AKAP12: variants seen among roughly 807,000 people sequenced by gnomAD.
AKAP12 encodes A-kinase anchoring protein 12.
A neutral mutation model predicts 79.9 loss-of-function variants in AKAP12; 32 were observed. The ratio of observed to expected loss-of-function variants is 0.40; its 90% CI spans 0.30 to 0.54. AKAP12 has a LOEUF of 0.54. Among genes scored for constraint, AKAP12 ranks in the 20% least tolerant of loss-of-function variants. AKAP12 has a pLI of 0.48. For synonymous variants in AKAP12, 808 were observed against 857.0 expected, an observed-to-expected ratio of 0.94 and a Z score of 1.00; for missense variants, 2,074 against 2,177.0, an observed-to-expected ratio of 0.95 and a Z score of 0.94.
In AKAP12 at chr6:151,240,527, C is replaced by A. The variant is rs1796950133; in HGVS notation, c.-36C>A. The A allele has an allele frequency of 7.1e-7, 1 of 1,409,686 alleles. No individual in the cohort carries two copies. Among genetic ancestry groups the A allele is most frequent in the South Asian group, 1.5e-5 (1 of 66,922 alleles). The allele number at this position is 1,409,686 out of a possible 1,614,324, so 87.3% of individuals were successfully genotyped here. ...TCCCTGCGGCTTGGGGAAGGCGTAA[C>A]CCGGCGGCTAGGCGCGGGAGAAGTG... is the stretch of plus-strand genomic sequence containing the variant. On this transcript the variant is annotated 5_prime_UTR_variant, in exon 2 of 5. Transcript: ENST00000402676.
At chr6:151,285,276 T>C (rs1045702094) in intron 2 of AKAP12, among the ~76,000 whole-genome samples, 1 of 152,004 alleles carries the variant, frequency 6.6e-6, no homozygotes, top group Non-Finnish European at 1.5e-5. Flanking sequence ...GTCATAGGAG[T>C]GGATACCAAA....
intron 2 of AKAP12, among the ~76,000 whole-genome samples, chr6:151,283,822 A>G (rs534534847): frequency 2.6e-5 from 4 of 152,340 alleles, no homozygotes; most frequent in African/African-American, 9.6e-5. Context: ...TCCGGGAGTC[A>G]TTCTTTTTCC....
intron 2 of AKAP12, among the ~76,000 whole-genome samples, chr6:151,263,776 A>C (rs1358263154): frequency 6.6e-6 from 1 of 151,900 alleles, no homozygotes; most frequent in Non-Finnish European, 1.5e-5. Context: ...ACAGGGTTTC[A>C]CCATGTTGGC....
chr6:151,268,945 GTTTTTTTTTTT>G (rs558502756), intron 2 of AKAP12, among the ~76,000 whole-genome samples: 33 of 77,416 alleles, frequency 4.3e-4, no homozygotes, highest in Admixed American at 7.4e-4. Flanking sequence ...TGCTCGGCCT[GTTTTTTTTTTT>G]TTTTTTTTTT....
At chr6:151,328,669 G>T (rs1000731798) in intron 3 of AKAP12, among the ~76,000 whole-genome samples, 3 of 151,840 alleles carry the variant, frequency 2.0e-5, no homozygotes, top group Non-Finnish European at 4.4e-5. Context: ...TTGACAGTAA[G>T]GTTTAATGAA....
rs1778021770 is a variant in AKAP12, at chr6:151,344,084, A to C, written c.320-4627A>C. The stretch of plus-strand genomic sequence containing the variant: ...TTGTTTGTTAAGTCTAATGTTGGTC[A>C]CAAATGTGTATTTTATAAAGAGAAA... On this transcript the variant is annotated intron_variant, in intron 3 of 4. Transcript: ENST00000402676. 7 of 242,582 alleles carry C rather than the reference A, an allele frequency of 2.9e-5. No homozygotes were observed. The Middle Eastern group carries it at 1.4e-3, about 48-fold the overall frequency. The allele number at this position is 242,582 out of a possible 1,614,324, so 15.0% of individuals were successfully genotyped here.
intron 3 of AKAP12, among the ~76,000 whole-genome samples, chr6:151,317,161 T>C (rs1475951534): frequency 6.6e-6 from 1 of 152,186 alleles, no homozygotes; most frequent in Non-Finnish European, 1.5e-5. Flanking sequence ...GAAGGGAGCT[T>C]TGAGGCTCTG....
chr6:151,254,945 A>C (rs1283843387), intron 2 of AKAP12, among the ~76,000 whole-genome samples: 1 of 152,146 alleles, frequency 6.6e-6, no homozygotes, highest in African/African-American at 2.4e-5. Context: ...TTGTCAGAGA[A>C]AGTTTCTCAA....
chr6:151,254,378 GT>G (rs1260930810), intron 2 of AKAP12, among the ~76,000 whole-genome samples: 1 of 150,868 alleles, frequency 6.6e-6, no homozygotes, highest in Non-Finnish European at 1.5e-5. Context: ...TTGAGACGGA[GT>G]TTCACTCTGT....
rs562834753 is a variant in AKAP12, at chr6:151,321,986, G to A, written c.319+16083G>A. On this transcript the variant is annotated intron_variant, in intron 3 of 4. Coordinates refer to ENST00000402676, the MANE Select transcript of AKAP12 (RefSeq NM_005100.4). ...TGCAGTGGTGCGATACCATCTTACT[G>A]CAACCTCCACCCCTCTGGGTTCAAG... Among the ~76,000 whole-genome samples, 128 of 137,760 alleles carry A rather than the reference G, an allele frequency of 9.3e-4. 1 individual carries two copies. The highest frequency in any genetic ancestry group is 1.4e-4 in the Non-Finnish European group (9 of 66,354). 90.4% of individuals were successfully genotyped at this position (137,760 alleles called of 152,430 possible).
chr6:151,280,161 A>G (rs1368047537), intron 2 of AKAP12, among the ~76,000 whole-genome samples: 2 of 151,932 alleles, frequency 1.3e-5, no homozygotes, highest in African/African-American at 4.8e-5. Flanking sequence ...CTTAATGGCT[A>G]TATGTTCAGT....
chr6:151,310,225 G>A (rs956905772), intron 3 of AKAP12, among the ~76,000 whole-genome samples: 1 of 152,024 alleles, frequency 6.6e-6, no homozygotes, highest in African/African-American at 2.4e-5. Flanking sequence ...TTAGCTGGGC[G>A]TGGATGGCAG....
chr6:151,279,558 G>A (rs1011917089), intron 2 of AKAP12, among the ~76,000 whole-genome samples: 5 of 152,032 alleles, frequency 3.3e-5, no homozygotes, highest in African/African-American at 9.7e-5. Context: ...ATAAAGGTGG[G>A]AAAAATCTGA....
rs981517984 is a variant in AKAP12 at position 151,262,342 on chromosome 6, T to G, written c.162+21618T>G. Among the ~76,000 whole-genome samples, 89 of 152,234 alleles carry G rather than the reference T, an allele frequency of 5.8e-4. 4 individuals carry two copies. Among genetic ancestry groups the G allele is most frequent in the Non-Finnish European group, 3.5e-4 (24 of 68,032 alleles). ...AGTGCATGTAGTAATAAATAAAAGCTCTGCTCATTGCTTTTGTTTATTTTA... is the reference window on the plus strand; with the variant it reads ...AGTGCATGTAGTAATAAATAAAAGCGCTGCTCATTGCTTTTGTTTATTTTA... On this transcript the variant is annotated intron_variant, in intron 2 of 4. Transcript: ENST00000402676.
chr6:151,259,717 C>T (rs1388129563), intron 2 of AKAP12, among the ~76,000 whole-genome samples: 6 of 151,414 alleles, frequency 4.0e-5, no homozygotes, highest in Admixed American at 2.0e-4. Flanking sequence ...CCTGGGACTA[C>T]AGTTGCATGC....
intron 2 of AKAP12, among the ~76,000 whole-genome samples, chr6:151,250,339 A>T (rs993269548): frequency 6.6e-6 from 1 of 151,762 alleles, no homozygotes; most frequent in Admixed American, 6.6e-5. Flanking sequence ...TTTACTAAAA[A>T]TACAAAAAAG....
chr6:151,325,615 C>A, intron 3 of AKAP12: 1 of 979,822 alleles, frequency 1.0e-6, no homozygotes. Context: ...GTGTGGGTGG[C>A]TGGGTGGGGG....
At chr6:151,254,500 C>G (rs754809340) in intron 2 of AKAP12, among the ~76,000 whole-genome samples, 1 of 152,018 alleles carries the variant, frequency 6.6e-6, no homozygotes, top group Admixed American at 6.6e-5. Context: ...TACAGGCATG[C>G]GCCACCACAC....
intron 2 of AKAP12, among the ~76,000 whole-genome samples, chr6:151,267,014 CAAAAAAAAAAAA>C (rs34974747): frequency 8.5e-5 from 3 of 35,340 alleles, no homozygotes; most frequent in African/African-American, 2.2e-4. Context: ...GACTCCATCT[CAAAAAAAAAAAA>C]AAAAAAAAAA....
Sources: allele counts gnomAD v4.1 joint callset (sites outside exome capture counted in the v4.1 genomes callset), GRCh38; gene constraint gnomAD v4.1.1; transcripts MANE v1.5; gene names NCBI Gene and HGNC (gene_info 2026-07-23, HGNC 2026-07-21).